The following BLTP1 variants were observed in gnomAD, a reference collection of about 807,000 sequenced individuals.
BLTP1 encodes fragile site-associated protein.
chr4:122,310,932 C>T, the BLTP1 span: 1 of 939,416 alleles, frequency 1.1e-6, no homozygotes, highest in Non-Finnish European at 1.3e-6. Flanking sequence ...CAGCCTACAA[C>T]AGAAATCTTT....
At chr4:122,189,131 TTAA>T in the BLTP1 span, 16 of 902,236 alleles carry the variant, frequency 1.8e-5, no homozygotes, top group African/African-American at 7.2e-5. Flanking sequence ...TGTCTTGCTA[TTAA>T]TAATTTGTAT....
chr4:122,250,230 A>T, the BLTP1 span: 6 of 952,020 alleles, frequency 6.3e-6, no homozygotes, highest in Non-Finnish European at 7.5e-6. Flanking sequence ...GTGATACATT[A>T]CTTTTATAGA....
chr4:122,241,222 C>T, the BLTP1 span, among the ~76,000 whole-genome samples: 1 of 152,106 alleles, frequency 6.6e-6, no homozygotes, highest in Admixed American at 6.6e-5. Context: ...AGGGGCACTG[C>T]ATTTCAGGCA....
the BLTP1 span, chr4:122,194,540 C>T: frequency 1.1e-6 from 1 of 884,920 alleles, no homozygotes; most frequent in East Asian, 1.2e-4. Flanking sequence ...AGTAATAGAG[C>T]TACATCTATT....
the BLTP1 span, chr4:122,243,798 T>C: frequency 3.5e-6 from 5 of 1,425,460 alleles, no homozygotes; most frequent in African/African-American, 1.5e-5. Flanking sequence ...TTAAGGAAGC[T>C]CCAACTTCTA....
At chr4:122,235,487 A>G in the BLTP1 span, 2 of 981,358 alleles carry the variant, frequency 2.0e-6, no homozygotes, top group African/African-American at 3.5e-5. Flanking sequence ...ACATGTCAAG[A>G]AAAGAACTCC....
chr4:122,187,914 A>G, the BLTP1 span: 1 of 1,583,128 alleles, frequency 6.3e-7, no homozygotes, highest in Non-Finnish European at 8.5e-7. Flanking sequence ...GCCTTTGGAA[A>G]TCACTACCAG....
the BLTP1 span, chr4:122,350,472 C>A: frequency 1.2e-6 from 1 of 833,394 alleles, no homozygotes; most frequent in Non-Finnish European, 1.4e-6. Flanking sequence ...CAACCATGTG[C>A]TTAGGCACTA....
the BLTP1 span, chr4:122,243,528 G>A: frequency 4.4e-5 from 31 of 699,628 alleles, no homozygotes; most frequent in Admixed American, 6.3e-5. Flanking sequence ...ATCACTTGAG[G>A]TCAGGAATTC....
chr4:122,243,422 C>G, the BLTP1 span: 1 of 985,136 alleles, frequency 1.0e-6, no homozygotes, highest in Non-Finnish European at 1.2e-6. Flanking sequence ...TTTGGCCTGT[C>G]TTTGGAAGGT....
At chr4:122,243,168 A>G in the BLTP1 span, 1 of 1,204,030 alleles carries the variant, frequency 8.3e-7, no homozygotes, top group Non-Finnish European at 1.2e-6. Context: ...TATGAACTTT[A>G]TATTAAGAAT....
At chr4:122,320,046 T>C in the BLTP1 span, among the ~76,000 whole-genome samples, 55 of 152,298 alleles carry the variant, frequency 3.6e-4, 1 homozygote, top group Middle Eastern at 3.4e-3. Flanking sequence ...GTGCTAGATA[T>C]GTCCATTTCT....
chr4:122,269,398 T>G, the BLTP1 span: 19 of 985,042 alleles, frequency 1.9e-5, no homozygotes, highest in East Asian at 1.1e-4. Context: ...AGTGAGAGCT[T>G]CTTTGAGTGA....
chr4:122,245,501 A>G, the BLTP1 span, among the ~76,000 whole-genome samples: 1 of 152,140 alleles, frequency 6.6e-6, no homozygotes. Context: ...CTCTATGATT[A>G]GATGACTTGT....
At chr4:122,189,204 A>G in the BLTP1 span, 3 of 808,872 alleles carry the variant, frequency 3.7e-6, no homozygotes, top group Admixed American at 6.2e-5. Flanking sequence ...GATATTAAAC[A>G]TTAAGCTTTG....
chr4:122,174,640 A>T, the BLTP1 span: 1 of 1,598,304 alleles, frequency 6.3e-7, no homozygotes, highest in Non-Finnish European at 8.6e-7. Flanking sequence ...ATTACAGAAG[A>T]CATGTCTATT....
At chr4:122,277,885 T>A in the BLTP1 span, among the ~76,000 whole-genome samples, 7 of 152,154 alleles carry the variant, frequency 4.6e-5, no homozygotes, top group African/African-American at 1.4e-4. Context: ...AGAAAAGAGT[T>A]CTGAATGGGG....
At chr4:122,285,802 T>A in the BLTP1 span, among the ~76,000 whole-genome samples, 4 of 152,184 alleles carry the variant, frequency 2.6e-5, no homozygotes, top group African/African-American at 9.6e-5. Flanking sequence ...GTACATTACA[T>A]GTGTAAAGGG....
At chr4:122,271,392 G>A in the BLTP1 span, 10 of 1,613,782 alleles carry the variant, frequency 6.2e-6, no homozygotes, top group Non-Finnish European at 8.5e-6. Flanking sequence ...GACTTTAGCC[G>A]CAGTTCTAGA....
Sources: gnomAD v4.1 joint callset for allele counts (sites outside exome capture counted in the v4.1 genomes callset) on GRCh38, gnomAD v4.1.1 for gene constraint, MANE v1.5 for transcripts, NCBI Gene and HGNC (gene_info 2026-07-23, HGNC 2026-07-21) for gene names.